EDA: variants seen among roughly 807,000 people sequenced by gnomAD.
EDA encodes the protein ectodysplasin A.
Under a neutral mutation model 23.6 loss-of-function variants are expected in EDA, and 2 were observed. The ratio of observed to expected loss-of-function variants is 0.08; its 90% CI spans 0.03 to 0.27. The LOEUF is 0.27. Among genes scored for constraint, EDA ranks in the 10% least tolerant of loss-of-function variants. EDA has a pLI of 1.00. For synonymous variants in EDA, 131 were observed against 132.0 expected, an observed-to-expected ratio of 0.99 and a Z score of 0.05; for missense variants, 229 against 324.2, an observed-to-expected ratio of 0.71 and a Z score of 2.26.
chrX:69,871,870 G>C (rs1205996692), intron 1 of EDA, among the ~76,000 whole-genome samples: 1 of 112,059 alleles, frequency 8.9e-6, no homozygotes. Flanking sequence ...TAGAGAGCTA[G>C]ACATCCAAAT....
chrX:69,821,502 A>C (rs1328445950), intron 1 of EDA, among the ~76,000 whole-genome samples: 1 of 112,489 alleles, frequency 8.9e-6, no homozygotes, highest in Non-Finnish European at 1.9e-5. Flanking sequence ...CTCAGATTTC[A>C]CAACTTTGAT....
At chrX:69,617,923 TAAAAAA>T (rs370312004) in intron 1 of EDA, among the ~76,000 whole-genome samples, 11 of 96,708 alleles carry the variant, frequency 1.1e-4, no homozygotes, top group African/African-American at 3.0e-4. Context: ...GACTGATACT[TAAAAAA>T]AAAAAAAAAG....
chrX:69,776,519 G>T (rs1402913707), intron 1 of EDA, among the ~76,000 whole-genome samples: 1 of 111,478 alleles, frequency 9.0e-6, no homozygotes, highest in Non-Finnish European at 1.9e-5. Flanking sequence ...CACCATGATT[G>T]TGAGGCCTCC....
chrX:69,659,812 C>T, intron 1 of EDA, among the ~76,000 whole-genome samples: 1 of 111,614 alleles, frequency 9.0e-6, no homozygotes, highest in Non-Finnish European at 1.9e-5. Flanking sequence ...CCTGGCAGTG[C>T]ATCAGTCACC....
At chrX:69,719,142 T>C (rs2012468109) in intron 1 of EDA, among the ~76,000 whole-genome samples, 1 of 111,328 alleles carries the variant, frequency 9.0e-6, no homozygotes, top group South Asian at 3.7e-4. Flanking sequence ...TAGTGATATA[T>C]TCTGTTTCAT....
chrX:69,640,557 C>T (rs1188276092), intron 1 of EDA, among the ~76,000 whole-genome samples: 1 of 110,804 alleles, frequency 9.0e-6, no homozygotes, highest in Non-Finnish European at 1.9e-5. Flanking sequence ...GAGGGGCACA[C>T]AAGAACGCAG....
At chrX:69,722,125 C>T (rs1426794794) in intron 1 of EDA, among the ~76,000 whole-genome samples, 2 of 111,957 alleles carry the variant, frequency 1.8e-5, no homozygotes, top group Non-Finnish European at 3.8e-5. Flanking sequence ...TTAATCTTTT[C>T]TTCTGTCTCT....
chrX:70,034,903 G>A (rs1242695065), intron 7 of EDA, among the ~76,000 whole-genome samples: 1 of 111,555 alleles, frequency 9.0e-6, no homozygotes, highest in Admixed American at 9.5e-5. Context: ...GTTGTTACAT[G>A]CCCTCTCTGG....
intron 1 of EDA, among the ~76,000 whole-genome samples, chrX:69,762,144 GT>G (rs987309328): frequency 9.0e-6 from 1 of 111,439 alleles, no homozygotes; most frequent in African/African-American, 3.3e-5. Flanking sequence ...AAAAATAGGT[GT>G]TTTGGTGGTG....
At chrX:69,754,299 G>A (rs1389809185) in intron 1 of EDA, among the ~76,000 whole-genome samples, 3 of 111,526 alleles carry the variant, frequency 2.7e-5, no homozygotes, top group Admixed American at 9.5e-5. Context: ...TGTCTGTAAA[G>A]GATTTTATTT....
At chrX:69,856,254 G>GGTGGGTGTGT (rs1384466036) in intron 1 of EDA, among the ~76,000 whole-genome samples, 20 of 74,952 alleles carry the variant, frequency 2.7e-4, no homozygotes, top group African/African-American at 6.0e-4. Flanking sequence ...AGTATTCCAT[G>GGTGGGTGTGT]GTGTGTGTGT....
chrX:69,974,224 G>T (rs1469289806), intron 2 of EDA, among the ~76,000 whole-genome samples: 3 of 110,460 alleles, frequency 2.7e-5, no homozygotes, highest in African/African-American at 9.8e-5. Context: ...CCTAGCTTTT[G>T]CTTTGGGTGA....
chrX:69,804,607 A>T (rs927109422), intron 1 of EDA, among the ~76,000 whole-genome samples: 4 of 110,235 alleles, frequency 3.6e-5, no homozygotes, highest in African/African-American at 1.3e-4. Context: ...TAGATACTAG[A>T]TTAGTCAACA....
intron 1 of EDA, among the ~76,000 whole-genome samples, chrX:69,660,957 C>T (rs901514358): frequency 2.7e-5 from 3 of 111,358 alleles, no homozygotes; most frequent in African/African-American, 9.8e-5. Flanking sequence ...TTTACAGTCC[C>T]ACCAACAGTG....
At chrX:69,740,128 C>CAATTATATACCT (rs1369406983) in intron 1 of EDA, among the ~76,000 whole-genome samples, 1 of 110,706 alleles carries the variant, frequency 9.0e-6, no homozygotes, top group Non-Finnish European at 1.9e-5. Context: ...CCCAATAATT[C>CAATTATATACCT]AATTATATAC....
At chrX:70,028,149 T>C (rs2020145637) in intron 4 of EDA, 113 bp downstream of exon 4, 2 of 1,114,821 alleles carry the variant, frequency 1.8e-6, no homozygotes, top group East Asian at 3.3e-5. Context: ...TGGTGTGCAA[T>C]AAGGGATGCA....
chrX:69,787,214 C>T (rs1169967196), intron 1 of EDA, among the ~76,000 whole-genome samples: 27 of 100,750 alleles, frequency 2.7e-4, no homozygotes, highest in African/African-American at 7.7e-4. Flanking sequence ...TTCCTGAATA[C>T]AGCAAACTGA....
At chrX:69,753,093 T>G (rs374898297) in intron 1 of EDA, among the ~76,000 whole-genome samples, 1 of 107,839 alleles carries the variant, frequency 9.3e-6, no homozygotes, top group Non-Finnish European at 1.9e-5. Flanking sequence ...CTGCTCTGAT[T>G]TTAGTTATTT....
At chrX:69,703,311 A>T (rs1202276865) in intron 1 of EDA, among the ~76,000 whole-genome samples, 1 of 111,680 alleles carries the variant, frequency 9.0e-6, no homozygotes, top group Non-Finnish European at 1.9e-5. Context: ...TCAGTGACTG[A>T]TGTGCATGCA....
Sources: gnomAD v4.1 joint callset for allele counts (sites outside exome capture counted in the v4.1 genomes callset) on GRCh38, gnomAD v4.1.1 for gene constraint, MANE v1.5 for transcripts, NCBI Gene and HGNC (gene_info 2026-07-23, HGNC 2026-07-21) for gene names.